SDC1: variants seen among roughly 807,000 people sequenced by gnomAD.
SDC1 encodes syndecan-1.
A neutral mutation model predicts 29.7 loss-of-function variants in SDC1; 14 were observed. The observed-to-expected ratio is 0.47, with a 90% CI of 0.31 to 0.74. SDC1 has a LOEUF of 0.74. Among genes scored for constraint, SDC1 ranks in the 30% least tolerant of loss-of-function variants. The probability of loss-of-function intolerance (pLI) is 0.05; values close to 1 mark genes in which losing one functional copy is unlikely to be tolerated. For synonymous variants in SDC1, 204 were observed against 175.5 expected (o/e 1.16, Z -1.29); for missense variants, 406 against 400.3 (o/e 1.01, Z -0.12).
chr2:20,207,398 T>A (rs1022407899), intron 1 of SDC1: 3 of 984,890 alleles, frequency 3.0e-6, no homozygotes, highest in Non-Finnish European at 3.6e-6. Context: ...ACAGTCACAG[T>A]CCACCATGGC....
chr2:20,218,969 CA>C (rs923963041), intron 1 of SDC1, among the ~76,000 whole-genome samples: 5 of 152,284 alleles, frequency 3.3e-5, no homozygotes, highest in South Asian at 2.1e-4. Context: ...CCATAAAAGC[CA>C]GGAGGTCAGA....
At chr2:20,223,097 T>C in intron 1 of SDC1, 1 of 420,996 alleles carries the variant, frequency 2.4e-6, no homozygotes, top group Non-Finnish European at 4.3e-6. Context: ...TCGGAAATCA[T>C]GGCCCTCCCC....
chr2:20,203,899 CT>C lies in SDC1; in HGVS notation c.540del (p.Glu181ArgfsTer42). 1 of 1,613,346 alleles carries C rather than the reference CT, an allele frequency of 6.2e-7. No individual in the cohort carries two copies. Among genetic ancestry groups the C allele is most frequent in the Non-Finnish European group, 8.5e-7 (1 of 1,179,754 alleles). The stretch of plus-strand genomic sequence containing the variant: ...TCGGTGGCAGAAGGACCTCCATCCT[CT>C]GTGTGGGGAGTGTGAAGGTCAGCTT... ...PSQADLHTPH[T>X]EDGGPSATER... On this transcript the variant is annotated frameshift_variant, in exon 3 of 5. Transcript: ENST00000254351. LOFTEE classifies it high-confidence loss of function.
chr2:20,225,049 G>C lies in SDC1; in HGVS notation c.-182C>G. On this transcript the variant is annotated 5_prime_UTR_variant, in exon 1 of 5. Transcript: ENST00000254351. The stretch of plus-strand genomic sequence containing the variant: ...CTACTGCCGGATTCCTCTCCGCTCG[G>C]CTCGGATTCGGCCCGCACCTCTCCC... 1 of 701,568 alleles carries C rather than the reference G, an allele frequency of 1.4e-6. No individual in the cohort carries two copies. The highest frequency in any genetic ancestry group is 1.9e-6 in the Non-Finnish European group (1 of 522,598). 43.5% of individuals were successfully genotyped at this position (701,568 alleles called of 1,614,324 possible).
At chr2:20,221,938 G>C (rs537033836) in intron 1 of SDC1, among the ~76,000 whole-genome samples, 1 of 152,180 alleles carries the variant, frequency 6.6e-6, no homozygotes, top group Non-Finnish European at 1.5e-5. Context: ...CTGCCAGGCT[G>C]TGGGAAAATG....
intron 3 of SDC1, 40 bp from the exon 4 acceptor site, chr2:20,203,262 C>T (rs753812952): frequency 1.0e-5 from 16 of 1,567,252 alleles, no homozygotes; most frequent in Admixed American, 5.3e-5. Context: ...GCCAGGTCAC[C>T]GCCAGCAGCA....
At chr2:20,214,290 A>C (rs780475397) in intron 1 of SDC1, among the ~76,000 whole-genome samples, 4 of 152,108 alleles carry the variant, frequency 2.6e-5, no homozygotes, top group Non-Finnish European at 5.9e-5. Context: ...TGCCTCTCAG[A>C]TAAAGAACAA....
chr2:20,223,837 G>T lies in SDC1; in HGVS notation c.66+965C>A, dbSNP rs539953034. Reference sequence around the variant, plus strand: ...CCTCAGGCTGCTCTTTGTCGGCCACGTCCCTCTTTAGTGGAGCGTCAGCCC... The same window carrying T: ...CCTCAGGCTGCTCTTTGTCGGCCACTTCCCTCTTTAGTGGAGCGTCAGCCC... On this transcript the variant is annotated intron_variant, in intron 1 of 4. Transcript: ENST00000254351. Among the ~76,000 whole-genome samples the T allele has an allele frequency of 3.2e-4, 48 of 152,334 alleles. 1 individual carries two copies. In the South Asian group the frequency reaches 9.9e-3, roughly 32 times the overall value.
At chr2:20,206,665 C>A (rs1440253476) in intron 1 of SDC1, among the ~76,000 whole-genome samples, 1 of 152,222 alleles carries the variant, frequency 6.6e-6, no homozygotes. Flanking sequence ...ACAGCACAGT[C>A]CAGAGCACTA....
chr2:20,224,347 C>T lies in SDC1; in HGVS notation c.66+455G>A, dbSNP rs1199994553. On this transcript the variant is annotated intron_variant, in intron 1 of 4. Transcript: ENST00000254351. The surrounding 1 kb of genome is among the most constrained non-coding windows in gnomAD (Gnocchi z 4.9). Reference sequence around the variant, plus strand: ...GCCCTGGCGCAAGGGGCGGGGCGCCCGGGCTCGGCGGCGCTGGGGCGCAAG... The same window carrying T: ...GCCCTGGCGCAAGGGGCGGGGCGCCTGGGCTCGGCGGCGCTGGGGCGCAAG... The T allele has an allele frequency of 2.0e-5, 3 of 152,330 alleles. No individual in the cohort carries two copies. The highest frequency in any genetic ancestry group is 6.6e-5 in the Admixed American group (1 of 15,196). The allele number at this position is 152,330 out of a possible 1,614,324, so 9.4% of individuals were successfully genotyped here.
intron 1 of SDC1, among the ~76,000 whole-genome samples, chr2:20,220,196 GC>G (rs1677771475): frequency 6.6e-6 from 1 of 152,204 alleles, no homozygotes; most frequent in Non-Finnish European, 1.5e-5. Context: ...GGCCAGCTCA[GC>G]CTGGCCCAGC....
intron 1 of SDC1, among the ~76,000 whole-genome samples, chr2:20,209,548 C>T (rs758763647): frequency 1.1e-4 from 16 of 152,216 alleles, no homozygotes; most frequent in Non-Finnish European, 2.1e-4. Flanking sequence ...GAGGAAATGG[C>T]GTAGACCAGA....
Position 20,224,736 on chromosome 2 carries a change from C to T in SDC1, c.66+66G>A. 2 of 1,251,362 alleles carry T rather than the reference C, an allele frequency of 1.6e-6. No homozygotes were observed. Among genetic ancestry groups the T allele is most frequent in the Non-Finnish European group, 2.0e-6 (2 of 994,770 alleles). The allele number at this position is 1,251,362 out of a possible 1,614,324, so 77.5% of individuals were successfully genotyped here. A position where few individuals can be genotyped will look rare whatever the true frequency, so the allele number is the denominator to read the frequency against. On this transcript the variant is annotated intron_variant, in intron 1 of 4. Coordinates refer to ENST00000254351, the MANE Select transcript of SDC1 (RefSeq NM_002997.5). The surrounding 1 kb of genome is among the most constrained non-coding windows in gnomAD (Gnocchi z 4.9). Reference sequence around the variant, plus strand: ...CCCCTCCCCCTCCACGTGCACCCGCCGGCATCCGCGGGTGACCAGTCCCGG... The same window carrying T: ...CCCCTCCCCCTCCACGTGCACCCGCTGGCATCCGCGGGTGACCAGTCCCGG...
rs747600264 is a variant in SDC1 at position 20,202,335 on chromosome 2, C to T, written c.*431G>A. 2 of 772,828 alleles carry T rather than the reference C, an allele frequency of 2.6e-6. No individual in the cohort carries two copies. Among genetic ancestry groups the T allele is most frequent in the African/African-American group, 1.7e-5 (1 of 58,976 alleles). The allele number at this position is 772,828 out of a possible 1,614,324, so 47.9% of individuals were successfully genotyped here. A position where few individuals can be genotyped will look rare whatever the true frequency, so the allele number is the denominator to read the frequency against. On this transcript the variant is annotated 3_prime_UTR_variant, in exon 5 of 5. Transcript: ENST00000254351. ...CCCTGCCACTCAGCGGCCACCCCCC[C>T]AAGATGCTTGGTCCTACCAGTAAGT...
At chr2:20,208,984 C>T (rs1197995025) in intron 1 of SDC1, among the ~76,000 whole-genome samples, 3 of 152,222 alleles carry the variant, frequency 2.0e-5, no homozygotes, top group African/African-American at 7.2e-5. Context: ...GATTAGAAAG[C>T]CCAAGGTTTG....
In SDC1 at chr2:20,202,271, T is replaced by C. The variant is rs776092823; in HGVS notation, c.*495A>G. ...ACATGTGCAAAAACAAGTCGATATC[T>C]AGATTAGACCTCCCCACGAAACAAA... On this transcript the variant is annotated 3_prime_UTR_variant, in exon 5 of 5. Transcript: ENST00000254351. 2.6e-6 allele frequency: 2 copies of C among 779,178 alleles called. No homozygotes were observed. Among genetic ancestry groups the C allele is most frequent in the South Asian group, 2.7e-5 (2 of 74,490 alleles). The allele number at this position is 779,178 out of a possible 1,614,324, so 48.3% of individuals were successfully genotyped here. A position where few individuals can be genotyped will look rare whatever the true frequency, so the allele number is the denominator to read the frequency against.
intron 2 of SDC1, 61 bp from the exon 3 acceptor site, chr2:20,204,352 G>T: frequency 9.2e-7 from 1 of 1,084,558 alleles, no homozygotes; most frequent in Non-Finnish European, 1.4e-6. Flanking sequence ...CAGAAGCAGA[G>T]TGTGTTGGGT....
chr2:20,222,832 G>A (rs536319876), intron 1 of SDC1, among the ~76,000 whole-genome samples: 4 of 152,320 alleles, frequency 2.6e-5, no homozygotes, highest in South Asian at 2.1e-4. Flanking sequence ...GGCAGGCAAG[G>A]GAACCAGCAG....
chr2:20,222,248 C>G (rs1195755443), intron 1 of SDC1, among the ~76,000 whole-genome samples: 2 of 152,176 alleles, frequency 1.3e-5, no homozygotes. Context: ...CAGGGGGTTT[C>G]TGACCTGCTT....
Sources: gnomAD v4.1 joint callset for allele counts (sites outside exome capture counted in the v4.1 genomes callset) on GRCh38, gnomAD v4.1.1 for gene constraint, Gnocchi (gnomAD v3.1) non-coding constraint, MANE v1.5 for transcripts, NCBI Gene and HGNC (gene_info 2026-07-23, HGNC 2026-07-21) for gene names.